Variants in AHRR observed in about 807,000 individuals in gnomAD.
AHRR encodes ahR repressor.
In AHRR, 28 loss-of-function variants were observed where a neutral mutation model predicts 44.0. That is an observed-to-expected ratio of 0.64 (90% confidence interval 0.47 to 0.87). The LOEUF (loss-of-function observed/expected upper bound fraction) is 0.87, where lower values mean the gene tolerates loss of function less well. AHRR is among the 40% of genes least tolerant of loss of function. AHRR has a pLI of 0.00. For missense variants in AHRR, 990 were observed against 953.9 expected, an observed-to-expected ratio of 1.04 and a Z score of -0.50; for synonymous variants, 434 against 407.0, an observed-to-expected ratio of 1.07 and a Z score of -0.80.
rs1464276453 is a variant in AHRR, at chr5:370,169, A to G, written c.245-6441A>G. On this transcript the variant is annotated intron_variant, in intron 3 of 10. Coordinates refer to ENST00000684583, the MANE Select transcript of AHRR (RefSeq NM_001377236.1). This position sits in a 1 kb window ranked among gnomAD's most constrained non-coding sequence, Gnocchi z 4.5. ...CCCGTCCTCCCGGGCCCTCGCTGGA[A>G]GCCCCGTCCTCCCGGGCCCTCGCTG... is the stretch of plus-strand genomic sequence containing the variant. 1.1e-5 allele frequency among the ~76,000 whole-genome samples: 1 copy of G among 87,688 alleles called. No individual in the cohort carries two copies. Among genetic ancestry groups the G allele is most frequent in the Admixed American group, 1.1e-4 (1 of 9,400 alleles). 57.5% of individuals were successfully genotyped at this position (87,688 alleles called of 152,430 possible).
In AHRR at chr5:348,106, G is replaced by A. The variant is rs147684880; in HGVS notation, c.62+4142G>A. ...CTGATGTGGGGGAAGCCGGGCGGCC[G>A]GCTGGGACAGCCCTCCCCTTGGCAG... On this transcript the variant is annotated intron_variant, in intron 2 of 10. Coordinates refer to ENST00000684583, the MANE Select transcript of AHRR (RefSeq NM_001377236.1). Among the ~76,000 whole-genome samples, 41 of 152,358 alleles carry A rather than the reference G, an allele frequency of 2.7e-4. 1 individual carries two copies. Among genetic ancestry groups the A allele is most frequent in the Admixed American group, 9.1e-4 (14 of 15,310 alleles).
At chr5:335,524 A>G (rs1201490671) in intron 1 of AHRR, among the ~76,000 whole-genome samples, 2 of 152,056 alleles carry the variant, frequency 1.3e-5, no homozygotes, top group Non-Finnish European at 2.9e-5. Context: ...GGGAAGGGGG[A>G]TGCTGGGCAG....
chr5:367,385 G>A (rs2126420264), intron 3 of AHRR, among the ~76,000 whole-genome samples: 1 of 152,358 alleles, frequency 6.6e-6, no homozygotes, highest in Non-Finnish European at 1.5e-5. Context: ...TGGGCCTTTT[G>A]CAAAGAGAAA....
At chr5:417,989 G>A (rs754715169) in intron 5 of AHRR, among the ~76,000 whole-genome samples, 1 of 152,194 alleles carries the variant, frequency 6.6e-6, no homozygotes, top group Non-Finnish European at 1.5e-5. Context: ...TATTTTAGTT[G>A]CCATTGACAT....
At chr5:351,648 A>T (rs1373336623) in intron 2 of AHRR, among the ~76,000 whole-genome samples, 1 of 152,212 alleles carries the variant, frequency 6.6e-6, no homozygotes, top group Admixed American at 6.5e-5. Context: ...GTTGGAACTA[A>T]ATAGAGGTGA....
At chr5:397,968 TAGCTCCTGACCATCCAC>T (rs1734820176) in intron 4 of AHRR, among the ~76,000 whole-genome samples, 2 of 123,156 alleles carry the variant, frequency 1.6e-5, no homozygotes, top group African/African-American at 6.0e-5. Flanking sequence ...ACCATCCACA[TAGCTCCTGACCATCCAC>T]GTAGCCCCTG....
At position 432,786 on chromosome 5, in the gene AHRR, C is replaced by A; in HGVS notation, c.971-20C>A. ...TCAGCTCGCACCGTGACGGCTTCCC[C>A]CCCCTCTAAACCCCAACAGGAAGGA... is the stretch of plus-strand genomic sequence containing the variant. On this transcript the variant is annotated intron_variant, in intron 9 of 10. Transcript: ENST00000684583. 1 of 1,613,904 alleles carries A rather than the reference C, an allele frequency of 6.2e-7. No individual in the cohort carries two copies. Among genetic ancestry groups the A allele is most frequent in the Non-Finnish European group, 8.5e-7 (1 of 1,180,022 alleles).
intron 4 of AHRR, among the ~76,000 whole-genome samples, chr5:389,216 G>C (rs1450836087): frequency 6.6e-6 from 1 of 150,504 alleles, no homozygotes; most frequent in African/African-American, 2.5e-5. Context: ...AGGGAGGGGG[G>C]TGAGCTGGGG....
intron 4 of AHRR, among the ~76,000 whole-genome samples, chr5:389,228 T>C (rs1377118235): frequency 6.6e-6 from 1 of 151,532 alleles, no homozygotes; most frequent in East Asian, 2.0e-4. Flanking sequence ...GAGCTGGGGC[T>C]GGACAGTGAG....
intron 4 of AHRR, among the ~76,000 whole-genome samples, chr5:377,947 C>A (rs921384994): frequency 6.6e-6 from 1 of 152,224 alleles, no homozygotes; most frequent in African/African-American, 2.4e-5. Flanking sequence ...GGCCTGACTC[C>A]CCTACCTGGC....
chr5:416,706 TG>T (rs1371924236), intron 5 of AHRR, among the ~76,000 whole-genome samples: 2 of 152,162 alleles, frequency 1.3e-5, no homozygotes, highest in Non-Finnish European at 2.9e-5. Flanking sequence ...GTGGGTCCGT[TG>T]GGTCCGTAGG....
chr5:367,323 A>G (rs142952624), intron 3 of AHRR, among the ~76,000 whole-genome samples: 2 of 152,248 alleles, frequency 1.3e-5, no homozygotes, highest in African/African-American at 4.8e-5. Flanking sequence ...GTGCATTTGT[A>G]TGTTTGTGAG....
intron 4 of AHRR, among the ~76,000 whole-genome samples, chr5:401,603 G>A (rs1220996184): frequency 6.6e-6 from 1 of 152,224 alleles, no homozygotes; most frequent in Non-Finnish European, 1.5e-5. Context: ...TGTGAAGCCA[G>A]GGCAGGCGGA....
Position 370,046 on chromosome 5 carries a change from G to T in AHRR, c.245-6564G>T, listed in dbSNP as rs1178923211. Among the ~76,000 whole-genome samples the T allele has an allele frequency of 6.6e-6, 1 of 152,116 alleles. No individual in the cohort carries two copies. Among genetic ancestry groups the T allele is most frequent in the African/African-American group, 2.4e-5 (1 of 41,430 alleles). On this transcript the variant is annotated intron_variant, in intron 3 of 10. Coordinates refer to ENST00000684583, the MANE Select transcript of AHRR (RefSeq NM_001377236.1). The surrounding 1 kb of genome is among the most constrained non-coding windows in gnomAD (Gnocchi z 4.5). ...CTGAGAGCACTGCCCTGCCCTCCCG[G>T]GCTCTTGCTGGTGCCCCATCCTCCC...
chr5:414,705 A>G (rs984826688), intron 5 of AHRR, among the ~76,000 whole-genome samples: 2 of 152,284 alleles, frequency 1.3e-5, no homozygotes, highest in African/African-American at 4.8e-5. Flanking sequence ...CAGCAGCAAT[A>G]TAAAGAAAGC....
intron 2 of AHRR, among the ~76,000 whole-genome samples, chr5:351,233 C>T (rs1231422135): frequency 6.6e-6 from 1 of 152,200 alleles, no homozygotes; most frequent in African/African-American, 2.4e-5. Context: ...ACATATGACC[C>T]AGCAACTCTA....
chr5:344,799 G>A (rs1742536097), intron 2 of AHRR, among the ~76,000 whole-genome samples: 1 of 130,716 alleles, frequency 7.7e-6, no homozygotes, highest in Admixed American at 7.2e-5. Flanking sequence ...GAGGCTGTGT[G>A]AGACTGTGTG....
intron 3 of AHRR, 32 bp from the exon 4 acceptor site, chr5:376,578 G>A (rs757630557): frequency 1.9e-5 from 5 of 259,336 alleles, no homozygotes; most frequent in East Asian, 2.1e-4. Flanking sequence ...CAAGGGTTGG[G>A]GGTGCCTAAT....
chr5:368,283 C>T (rs572609166), intron 3 of AHRR, among the ~76,000 whole-genome samples: 1 of 152,312 alleles, frequency 6.6e-6, no homozygotes, highest in Admixed American at 6.5e-5. Context: ...GTGCACCGCG[C>T]ACTGTATCCT....
Sources: gnomAD v4.1 joint callset for allele counts (sites outside exome capture counted in the v4.1 genomes callset) on GRCh38, gnomAD v4.1.1 for gene constraint, Gnocchi (gnomAD v3.1) non-coding constraint, MANE v1.5 for transcripts, NCBI Gene and HGNC (gene_info 2026-07-23, HGNC 2026-07-21) for gene names.